Variants in SGIP1 observed in about 807,000 individuals in gnomAD.
The protein encoded by SGIP1 is SH3GL interacting endocytic adaptor 1.
In SGIP1, 38 loss-of-function variants were observed where a neutral mutation model predicts 107.5. That is an observed-to-expected ratio of 0.35 (90% CI 0.27 to 0.46). The LOEUF (loss-of-function observed/expected upper bound fraction) is 0.46. SGIP1 is among the 20% of genes least tolerant of loss of function. The pLI is 1.00. For missense variants in SGIP1, 929 were observed against 1,019.5 expected (o/e 0.91, Z 1.21); for synonymous variants, 365 against 366.1 (o/e 1.00, Z 0.03).
intron 7 of SGIP1, among the ~76,000 whole-genome samples, chr1:66,647,898 C>A (rs1035246265): frequency 2.0e-5 from 3 of 152,140 alleles, no homozygotes; most frequent in Admixed American, 1.3e-4. Flanking sequence ...AATGGTAAAG[C>A]CCCTTCTTTT....
At chr1:66,599,443 A>G (rs2065333398) in intron 1 of SGIP1, among the ~76,000 whole-genome samples, 1 of 152,202 alleles carries the variant, frequency 6.6e-6, no homozygotes, top group Non-Finnish European at 1.5e-5. Context: ...GACATGCCTA[A>G]AAATTCACAG....
chr1:66,535,625 T>A (rs1387216558), intron 1 of SGIP1, among the ~76,000 whole-genome samples: 1 of 152,178 alleles, frequency 6.6e-6, no homozygotes, highest in Non-Finnish European at 1.5e-5. Flanking sequence ...AAGATAGCCT[T>A]AAAAGAGAGG....
At chr1:66,655,970 T>C (rs914795632) in intron 7 of SGIP1, among the ~76,000 whole-genome samples, 2 of 152,202 alleles carry the variant, frequency 1.3e-5, no homozygotes, top group Admixed American at 6.5e-5. Context: ...TCTTTTGTTA[T>C]AACATTTAAT....
chr1:66,587,124 T>G (rs2062751596), intron 1 of SGIP1, among the ~76,000 whole-genome samples: 2 of 152,130 alleles, frequency 1.3e-5, no homozygotes, highest in African/African-American at 4.8e-5. Flanking sequence ...AAGAATTTAT[T>G]ATTTGTATTT....
intron 1 of SGIP1, among the ~76,000 whole-genome samples, chr1:66,535,094 A>C (rs781197069): frequency 2.3e-4 from 35 of 152,190 alleles, no homozygotes; most frequent in Non-Finnish European, 4.0e-4. Flanking sequence ...CATATTCAAT[A>C]TTGAGTGTAA....
At chr1:66,572,476 T>C (rs539105169) in intron 1 of SGIP1, among the ~76,000 whole-genome samples, 1 of 152,210 alleles carries the variant, frequency 6.6e-6, no homozygotes, top group Non-Finnish European at 1.5e-5. Context: ...GATATTCAGT[T>C]TAGTTCCTTG....
intron 1 of SGIP1, among the ~76,000 whole-genome samples, chr1:66,615,086 A>C (rs1036745918): frequency 6.6e-6 from 1 of 151,400 alleles, no homozygotes; most frequent in Non-Finnish European, 1.5e-5. Flanking sequence ...CTCCTAAAAC[A>C]CTGGGATTAC....
In SGIP1 at chr1:66,747,341, G is replaced by A. The variant is rs533221618; in HGVS notation, c.*4246G>A. ...AAGATGAAAACCATTTTTCTAGTCA[G>A]TTTATTTTTCATTCAGTCCACTTAA... On this transcript the variant is annotated 3_prime_UTR_variant, in exon 25 of 25. Transcript: ENST00000371037. The A allele has an allele frequency of 5.9e-5, 9 of 152,084 alleles. No homozygotes were observed. Among genetic ancestry groups the A allele is most frequent in the Non-Finnish European group, 1.3e-4 (9 of 67,882 alleles). 9.4% of individuals were successfully genotyped at this position (152,084 alleles called of 1,614,324 possible). A position where few individuals can be genotyped will look rare whatever the true frequency, so the allele number is the denominator to read the frequency against.
chr1:66,742,013 G>T (rs2094462498), intron 24 of SGIP1, among the ~76,000 whole-genome samples: 1 of 152,124 alleles, frequency 6.6e-6, no homozygotes, highest in Non-Finnish European at 1.5e-5. Flanking sequence ...TGATCCGCCT[G>T]CCTCGGCCTC....
At chr1:66,617,154 T>G (rs1053357726) in intron 1 of SGIP1, among the ~76,000 whole-genome samples, 1 of 152,340 alleles carries the variant, frequency 6.6e-6, no homozygotes, top group Admixed American at 6.5e-5. Flanking sequence ...TTGGTTAGAA[T>G]TGCAAATATG....
At chr1:66,566,719 G>C (rs2059691005) in intron 1 of SGIP1, among the ~76,000 whole-genome samples, 1 of 151,784 alleles carries the variant, frequency 6.6e-6, no homozygotes, top group South Asian at 2.1e-4. Context: ...TCTACCTTAA[G>C]TTCTGGCATA....
intron 1 of SGIP1, among the ~76,000 whole-genome samples, chr1:66,605,257 T>C (rs1302568568): frequency 1.3e-5 from 2 of 152,206 alleles, no homozygotes; most frequent in African/African-American, 4.8e-5. Context: ...CATCCTTCTG[T>C]GTATGACTTT....
intron 1 of SGIP1, among the ~76,000 whole-genome samples, chr1:66,540,869 A>G (rs2054763825): frequency 1.3e-5 from 2 of 152,176 alleles, no homozygotes; most frequent in Admixed American, 1.3e-4. Context: ...ACAAAATGAG[A>G]TAATTGATGT....
At chr1:66,601,915 T>C (rs1003504212) in intron 1 of SGIP1, among the ~76,000 whole-genome samples, 1 of 152,238 alleles carries the variant, frequency 6.6e-6, no homozygotes, top group African/African-American at 2.4e-5. Context: ...AGAAAGCTTT[T>C]CCTAATTACA....
At chr1:66,630,063 C>T (rs1366740804) in intron 2 of SGIP1, among the ~76,000 whole-genome samples, 2 of 152,140 alleles carry the variant, frequency 1.3e-5, no homozygotes, top group Non-Finnish European at 2.9e-5. Flanking sequence ...GCACTGGAGC[C>T]GGTGCCCTTA....
intron 21 of SGIP1, among the ~76,000 whole-genome samples, chr1:66,736,933 A>G (rs1264645650): frequency 6.6e-6 from 1 of 152,122 alleles, no homozygotes; most frequent in Non-Finnish European, 1.5e-5. Flanking sequence ...TTTTCTTGTG[A>G]GAATAGTATA....
chr1:66,624,923 G>A (rs894317854), intron 1 of SGIP1, among the ~76,000 whole-genome samples: 17 of 152,190 alleles, frequency 1.1e-4, no homozygotes, highest in African/African-American at 4.1e-4. Flanking sequence ...GGCTTGGCTT[G>A]TCAGGATGGA....
At chr1:66,686,293 G>A (rs1045389575) in intron 15 of SGIP1, among the ~76,000 whole-genome samples, 27 of 152,182 alleles carry the variant, frequency 1.8e-4, no homozygotes, top group Admixed American at 1.6e-3. Context: ...CATGGTCTTC[G>A]GGGGTTGCCA....
intron 18 of SGIP1, among the ~76,000 whole-genome samples, chr1:66,706,005 T>G (rs191996596): frequency 1.9e-3 from 289 of 152,196 alleles, no homozygotes; most frequent in Non-Finnish European, 3.3e-3. Flanking sequence ...ACCTACACAT[T>G]CTGTACATGT....
Sources: allele counts gnomAD v4.1 joint callset (sites outside exome capture counted in the v4.1 genomes callset), GRCh38; gene constraint gnomAD v4.1.1; transcripts MANE v1.5; gene names NCBI Gene and HGNC (gene_info 2026-07-23, HGNC 2026-07-21).